FYN: variants seen among roughly 807,000 people sequenced by gnomAD.
FYN encodes the protein FYN proto-oncogene, Src family tyrosine kinase, also known as tyrosine-protein kinase Fyn.
A neutral mutation model predicts 70.2 loss-of-function variants in FYN; 10 were observed. The ratio of observed to expected loss-of-function variants is 0.14; its 90% CI spans 0.09 to 0.24. FYN has a LOEUF of 0.24. Among genes scored for constraint, FYN ranks in the 10% least tolerant of loss-of-function variants. FYN has a pLI of 1.00. For missense variants in FYN, 319 were observed against 673.1 expected, an observed-to-expected ratio of 0.47 and a Z score of 5.82; for synonymous variants, 236 against 248.6, an observed-to-expected ratio of 0.95 and a Z score of 0.48.
chr6:111,733,358 A>T (rs1164009351), intron 3 of FYN, among the ~76,000 whole-genome samples: 1 of 152,186 alleles, frequency 6.6e-6, no homozygotes. Context: ...CCTGGACATG[A>T]ATCTAGATCT....
At chr6:111,717,759 C>A (rs78450444) in intron 4 of FYN, among the ~76,000 whole-genome samples, 1 of 152,160 alleles carries the variant, frequency 6.6e-6, no homozygotes, top group Non-Finnish European at 1.5e-5. Flanking sequence ...CTACTGCACC[C>A]GGCCAGAGTC....
At position 111,834,931 on chromosome 6, in the gene FYN, T is replaced by A. The variant is rs10440864; in HGVS notation, c.-82+11658A>T. Among the ~76,000 whole-genome samples, 645 of 152,312 alleles carry A rather than the reference T, an allele frequency of 4.2e-3. 5 individuals carry two copies. Among genetic ancestry groups the A allele is most frequent in the African/African-American group, 0.015 (615 of 41,564 alleles). On this transcript the variant is annotated intron_variant, in intron 2 of 13. Coordinates refer to ENST00000354650, the MANE Select transcript of FYN (RefSeq NM_002037.5). ...AGACACCCAGACTCTCAACTTGGCA[T>A]AATTCTCCACCTTCCCCTATCCCCA...
At chr6:111,699,850 T>C in intron 9 of FYN, 1 of 704,378 alleles carries the variant, frequency 1.4e-6, no homozygotes, top group Non-Finnish European at 2.2e-6. Flanking sequence ...TTTGCTGGTT[T>C]ATGAATTGAG....
At chr6:111,760,261 C>G (rs1802944839) in intron 3 of FYN, among the ~76,000 whole-genome samples, 1 of 152,078 alleles carries the variant, frequency 6.6e-6, no homozygotes, top group Non-Finnish European at 1.5e-5. Context: ...GCAAGAACAG[C>G]CACACACCCA....
chr6:111,853,216 T>C (rs529511541), intron 1 of FYN, among the ~76,000 whole-genome samples: 5 of 152,212 alleles, frequency 3.3e-5, no homozygotes, highest in Non-Finnish European at 7.4e-5. Context: ...TTTTATGCAT[T>C]GTAAGACTTC....
chr6:111,675,802 T>A (rs904907293), intron 12 of FYN, among the ~76,000 whole-genome samples: 19 of 147,648 alleles, frequency 1.3e-4, no homozygotes, highest in African/African-American at 4.5e-4. Context: ...CAGAAAAAAA[T>A]GAAATAAAAT....
chr6:111,838,462 T>C (rs948728891), intron 2 of FYN, among the ~76,000 whole-genome samples: 1 of 152,212 alleles, frequency 6.6e-6, no homozygotes, highest in Non-Finnish European at 1.5e-5. Flanking sequence ...CAAGTGATAA[T>C]TCACTTTAGT....
chr6:111,838,487 A>C (rs1166793484), intron 2 of FYN, among the ~76,000 whole-genome samples: 1 of 152,236 alleles, frequency 6.6e-6, no homozygotes, highest in Non-Finnish European at 1.5e-5. Context: ...TCAGTGACTG[A>C]ATGGCCATAC....
At chr6:111,856,816 T>C (rs911761756) in intron 1 of FYN, among the ~76,000 whole-genome samples, 2 of 152,140 alleles carry the variant, frequency 1.3e-5, no homozygotes, top group Non-Finnish European at 2.9e-5. Flanking sequence ...AATAATTTTC[T>C]GGTGAGAAAA....
At chr6:111,806,761 T>A (rs1772162989) in intron 2 of FYN, among the ~76,000 whole-genome samples, 1 of 152,158 alleles carries the variant, frequency 6.6e-6, no homozygotes. Context: ...GCTGACTCAG[T>A]GGAATGCACC....
At chr6:111,843,520 T>A (rs1008379042) in intron 2 of FYN, among the ~76,000 whole-genome samples, 2 of 152,244 alleles carry the variant, frequency 1.3e-5, no homozygotes, top group African/African-American at 4.8e-5. Flanking sequence ...TGTGCACTAC[T>A]GCGTCCCCCT....
intron 3 of FYN, among the ~76,000 whole-genome samples, chr6:111,765,550 C>T (rs1803197076): frequency 6.6e-6 from 1 of 152,146 alleles, no homozygotes; most frequent in Non-Finnish European, 1.5e-5. Context: ...AGGCCTTTCC[C>T]CTGACATAAA....
At chr6:111,713,202 G>A (rs914030429) in intron 5 of FYN, among the ~76,000 whole-genome samples, 1 of 152,182 alleles carries the variant, frequency 6.6e-6, no homozygotes, top group African/African-American at 2.4e-5. Flanking sequence ...GAGCCAGGGG[G>A]CATTCAAGAA....
At chr6:111,682,996 G>C (rs985378396) in intron 12 of FYN, among the ~76,000 whole-genome samples, 19 of 152,148 alleles carry the variant, frequency 1.2e-4, no homozygotes, top group Non-Finnish European at 1.5e-5. Context: ...CATCAGAAGA[G>C]GAAAAGAAGA....
chr6:111,812,063 G>A (rs1171914500), intron 2 of FYN, among the ~76,000 whole-genome samples: 2 of 152,204 alleles, frequency 1.3e-5, no homozygotes, highest in Non-Finnish European at 2.9e-5. Context: ...GGAACTGTAG[G>A]GAACTGAATT....
intron 5 of FYN, among the ~76,000 whole-genome samples, chr6:111,709,449 C>T (rs755868858): frequency 3.9e-5 from 6 of 152,174 alleles, no homozygotes; most frequent in Non-Finnish European, 8.8e-5. Flanking sequence ...GACCAGCCAG[C>T]ATGTGCTGGG....
chr6:111,777,069 AACAC>A (rs1770971179), intron 3 of FYN, among the ~76,000 whole-genome samples: 1 of 152,248 alleles, frequency 6.6e-6, no homozygotes, highest in Non-Finnish European at 1.5e-5. Flanking sequence ...TCAAATGACT[AACAC>A]ATCTGAAGAA....
At chr6:111,804,867 G>C (rs1772100309) in intron 2 of FYN, among the ~76,000 whole-genome samples, 1 of 152,120 alleles carries the variant, frequency 6.6e-6, no homozygotes, top group African/African-American at 2.4e-5. Flanking sequence ...GCTGCTCTAG[G>C]CTTCGCTGGT....
intron 1 of FYN, among the ~76,000 whole-genome samples, chr6:111,861,627 G>C (rs1483084892): frequency 1.3e-5 from 2 of 152,148 alleles, no homozygotes; most frequent in Non-Finnish European, 2.9e-5. Context: ...CTCTATCCCA[G>C]ATACATTAAA....
Sources: allele counts gnomAD v4.1 joint callset (sites outside exome capture counted in the v4.1 genomes callset), GRCh38; gene constraint gnomAD v4.1.1; transcripts MANE v1.5; gene names NCBI Gene and HGNC (gene_info 2026-07-23, HGNC 2026-07-21).